The following DPYD variants were observed in gnomAD, a reference collection of about 807,000 sequenced individuals.
DPYD encodes the protein dihydropyrimidine dehydrogenase [NADP(+)].
A neutral mutation model predicts 116.2 loss-of-function variants in DPYD; 109 were observed. That is an observed-to-expected ratio of 0.94 (90% CI 0.80 to 1.10). DPYD has a LOEUF of 1.10. Among genes scored for constraint, DPYD ranks in the 50% least tolerant of loss-of-function variants. The probability of loss-of-function intolerance (pLI) is 0.00; values close to 1 mark genes in which losing one functional copy is unlikely to be tolerated. For synonymous variants in DPYD, 440 were observed against 432.0 expected (o/e 1.02, Z -0.23); for missense variants, 1,302 against 1,254.5 (o/e 1.04, Z -0.57).
intron 18 of DPYD, among the ~76,000 whole-genome samples, chr1:97,238,061 C>T (rs1662072714): frequency 6.6e-6 from 1 of 152,080 alleles, no homozygotes; most frequent in Admixed American, 6.5e-5. Context: ...AACATTATTA[C>T]ACAGGTGTTA....
intron 18 of DPYD, among the ~76,000 whole-genome samples, chr1:97,248,584 C>CCT (rs1226796360): frequency 1.1e-4 from 16 of 152,066 alleles, no homozygotes; most frequent in African/African-American, 3.9e-4. Flanking sequence ...CACCAATCAA[C>CCT]TGAATAAAAG....
chr1:97,208,678 T>C (rs552529887), intron 19 of DPYD, among the ~76,000 whole-genome samples: 7 of 152,250 alleles, frequency 4.6e-5, no homozygotes, highest in Admixed American at 3.3e-4. Context: ...ATTCAGCACA[T>C]GTTAATTTAT....
chr1:97,325,312 A>G (rs59690185), intron 16 of DPYD, among the ~76,000 whole-genome samples: 133 of 152,202 alleles, frequency 8.7e-4, no homozygotes, highest in African/African-American at 3.2e-3. Context: ...ATCCAGCACT[A>G]TAAAGAAGTC....
chr1:97,862,992 A>G (rs1025722816), intron 2 of DPYD, among the ~76,000 whole-genome samples: 2 of 151,958 alleles, frequency 1.3e-5, no homozygotes, highest in Non-Finnish European at 1.5e-5. Context: ...AAAATGAGAA[A>G]ATGTTTATAC....
intron 16 of DPYD, among the ~76,000 whole-genome samples, chr1:97,311,035 C>T (rs1667482822): frequency 6.6e-6 from 1 of 151,598 alleles, no homozygotes; most frequent in African/African-American, 2.4e-5. Context: ...AGAGGAAAAA[C>T]CATGAGTATG....
chr1:97,480,946 C>T (rs749333168), intron 13 of DPYD, among the ~76,000 whole-genome samples: 69 of 152,074 alleles, frequency 4.5e-4, no homozygotes, highest in Admixed American at 9.8e-4. Flanking sequence ...TGCCACTGCA[C>T]TCCAGTCTGG....
At chr1:97,282,075 A>G (rs556857819) in intron 18 of DPYD, among the ~76,000 whole-genome samples, 1 of 152,044 alleles carries the variant, frequency 6.6e-6, no homozygotes, top group Admixed American at 6.6e-5. Context: ...TTATTGACTT[A>G]CCACTTGATA....
intron 18 of DPYD, among the ~76,000 whole-genome samples, chr1:97,288,945 C>A (rs1045321032): frequency 1.3e-5 from 2 of 151,528 alleles, no homozygotes; most frequent in African/African-American, 4.9e-5. Context: ...GCTAGCAAGA[C>A]TAATAAAGAA....
intron 3 of DPYD, among the ~76,000 whole-genome samples, chr1:97,773,711 G>T (rs769840922): frequency 2.0e-5 from 3 of 152,194 alleles, no homozygotes; most frequent in Non-Finnish European, 4.4e-5. Flanking sequence ...CATGGAATTT[G>T]GCTGAGGGTG....
rs529522807 is a variant in DPYD at position 97,393,280 on chromosome 1, T to G, written c.1906-10819A>C. ...TAGAGGCCATTGTTGAGTTGTTAAA[T>G]AGCCTATTTTCTTTTTTTTTTAAAT... is the stretch of plus-strand genomic sequence containing the variant. On this transcript the variant is annotated intron_variant, in intron 14 of 22. Transcript: ENST00000370192. Among the ~76,000 whole-genome samples, 11 of 149,372 alleles carry G rather than the reference T, an allele frequency of 7.4e-5. No individual in the cohort carries two copies. In the East Asian group the frequency reaches 1.6e-3, roughly 22 times the overall value.
At chr1:97,314,082 C>T (rs1217121065) in intron 16 of DPYD, among the ~76,000 whole-genome samples, 2 of 151,936 alleles carry the variant, frequency 1.3e-5, no homozygotes, top group African/African-American at 4.8e-5. Flanking sequence ...AGTTTGAAAA[C>T]AGTCTTTTGA....
intron 2 of DPYD, among the ~76,000 whole-genome samples, chr1:97,843,419 G>T (rs889072875): frequency 6.6e-6 from 1 of 152,092 alleles, no homozygotes. Context: ...TAGGCAACAG[G>T]ATTTTATCTT....
intron 13 of DPYD, among the ~76,000 whole-genome samples, chr1:97,476,640 C>A (rs1475511785): frequency 6.6e-6 from 1 of 152,024 alleles, no homozygotes; most frequent in Non-Finnish European, 1.5e-5. Context: ...GAACTACAAT[C>A]CCAGTTCTAG....
chr1:97,491,370 C>G (rs546161479), intron 13 of DPYD, among the ~76,000 whole-genome samples: 11 of 151,766 alleles, frequency 7.2e-5, no homozygotes, highest in Admixed American at 5.9e-4. Flanking sequence ...AGGGAAGCAC[C>G]TAATGGAATG....
At position 97,438,057 on chromosome 1, in the gene DPYD, T is replaced by C. The variant is rs116511108; in HGVS notation, c.1905+12002A>G. On this transcript the variant is annotated intron_variant, in intron 14 of 22. Coordinates refer to ENST00000370192, the MANE Select transcript of DPYD (RefSeq NM_000110.4). The stretch of plus-strand genomic sequence containing the variant: ...TTCATATAAATAATTTGTGGGTTGT[T>C]TGTAGGACTTACTATTCTGCCACAT... Among the ~76,000 whole-genome samples, 719 of 152,166 alleles carry C rather than the reference T, an allele frequency of 4.7e-3. 3 individuals carry two copies. The highest frequency in any genetic ancestry group is 7.7e-3 in the South Asian group (37 of 4,830).
At chr1:97,890,419 T>G (rs1672718796) in intron 1 of DPYD, among the ~76,000 whole-genome samples, 1 of 151,926 alleles carries the variant, frequency 6.6e-6, no homozygotes, top group Admixed American at 6.6e-5. Context: ...TCCTAAATAT[T>G]ACAGAAATCA....
intron 13 of DPYD, among the ~76,000 whole-genome samples, chr1:97,511,862 T>A (rs772321515): frequency 1.1e-4 from 17 of 151,932 alleles, no homozygotes; most frequent in Non-Finnish European, 2.2e-4. Context: ...ATTCTCTGCA[T>A]TTTAAAGGCT....
intron 1 of DPYD, among the ~76,000 whole-genome samples, chr1:97,904,179 A>G (rs1455140279): frequency 2.0e-5 from 3 of 152,104 alleles, no homozygotes; most frequent in East Asian, 3.9e-4. Flanking sequence ...CTATTCCACA[A>G]AGTTGTTTGT....
chr1:97,706,454 T>C (rs540755182), intron 5 of DPYD, among the ~76,000 whole-genome samples: 55 of 152,212 alleles, frequency 3.6e-4, no homozygotes, highest in African/African-American at 1.3e-3. Flanking sequence ...AATAGCATCA[T>C]AGGACTACAG....
Sources: gnomAD v4.1 joint callset for allele counts (sites outside exome capture counted in the v4.1 genomes callset) on GRCh38, gnomAD v4.1.1 for gene constraint, MANE v1.5 for transcripts, NCBI Gene and HGNC (gene_info 2026-07-23, HGNC 2026-07-21) for gene names.